The following COL6A3 variants were observed in gnomAD, a reference collection of about 807,000 sequenced individuals.
COL6A3 encodes the protein collagen alpha-3(VI) chain.
A neutral mutation model predicts 274.1 loss-of-function variants in COL6A3; 137 were observed. The ratio of observed to expected loss-of-function variants is 0.50; its 90% CI spans 0.44 to 0.58. The LOEUF (loss-of-function observed/expected upper bound fraction) is 0.58, where lower values mean the gene tolerates loss of function less well. Among genes scored for constraint, COL6A3 ranks in the 20% least tolerant of loss-of-function variants. The pLI, the probability that COL6A3 is intolerant of heterozygous loss-of-function variation, is 0.00. For synonymous variants in COL6A3, 1,650 were observed against 1,650.6 expected, an observed-to-expected ratio of 1.00 and a Z score of 0.01; for missense variants, 3,950 against 4,124.9, an observed-to-expected ratio of 0.96 and a Z score of 1.16.
At chr2:237,345,328 A>T (rs1215667568) in intron 32 of COL6A3, 115 bp from the exon 33 acceptor site, 9 of 935,230 alleles carry the variant, frequency 9.6e-6, no homozygotes, top group Non-Finnish European at 1.2e-5. Context: ...GATAACCTTG[A>T]TTGTTTACAG....
chr2:237,352,075 G>T (rs2077218743), intron 26 of COL6A3, among the ~76,000 whole-genome samples: 1 of 152,216 alleles, frequency 6.6e-6, no homozygotes, highest in African/African-American at 2.4e-5. Context: ...GATAACATCT[G>T]CAGTCACAGC....
At chr2:237,391,279 G>C (rs1396967763) in intron 3 of COL6A3, among the ~76,000 whole-genome samples, 1 of 152,238 alleles carries the variant, frequency 6.6e-6, no homozygotes, top group Non-Finnish European at 1.5e-5. Context: ...GGTGCTGCTA[G>C]TGGCTTGGAC....
chr2:237,372,553 A>G (rs1182790552), intron 8 of COL6A3, among the ~76,000 whole-genome samples: 1 of 152,222 alleles, frequency 6.6e-6, no homozygotes, highest in Admixed American at 6.5e-5. Context: ...AGGCAGAATC[A>G]GAAGAGCCTC....
At position 237,377,005 on chromosome 2, in the gene COL6A3, A is replaced by T; in HGVS notation, c.2837T>A (p.Leu946Gln). 2 of 1,614,224 alleles carry T rather than the reference A, an allele frequency of 1.2e-6. No homozygotes were observed. The highest frequency in any genetic ancestry group is 1.7e-6 in the Non-Finnish European group (2 of 1,180,038). Residue 946 changes from leucine (L) to glutamine (Q), a missense_variant, in exon 7 of 44, where the codon CTG becomes CAG. By Grantham distance (113) the Leu-to-Gln change is moderately radical. This residue lies in a region of COL6A3 where 1,934 missense variants were observed against 1,984.3 expected (regional missense o/e 0.97). Transcript: ENST00000295550. Reference protein sequence around the residue: ...IEDGVLQFLVLLVAGRSSDRV... With the variant: ...IEDGVLQFLVQLVAGRSSDRV... ...GTCAGATGACCTTCCTGCGACCAGC[A>T]GCACCAGGAACTGAAGCACTCCATC...
Position 237,352,733 on chromosome 2 carries a change from T to C in COL6A3, c.6691-149A>G, listed in dbSNP as rs967742510. On this transcript the variant is annotated intron_variant, in intron 25 of 43. Transcript: ENST00000295550. ...AAACCCACAATTATCCTGTCTTAGC[T>C]GCAGTAGCAGCTGCCTCAATCCAGA... 1.4e-5 allele frequency: 10 copies of C among 737,124 alleles called. No individual in the cohort carries two copies. In the Admixed American group the frequency reaches 1.6e-4, roughly 12 times the overall value. The allele number at this position is 737,124 out of a possible 1,614,324, so 45.7% of individuals were successfully genotyped here.
intron 6 of COL6A3, among the ~76,000 whole-genome samples, chr2:237,378,395 G>C (rs1395825279): frequency 2.0e-5 from 3 of 152,210 alleles, no homozygotes; most frequent in East Asian, 1.9e-4. Context: ...TCTGAATAAA[G>C]GGTGAGGCAA....
rs2078378399 is a variant in COL6A3 at position 237,394,570 on chromosome 2, G to C, written c.709+17C>G. 1 of 1,613,508 alleles carries C rather than the reference G, an allele frequency of 6.2e-7. No homozygotes were observed. Among genetic ancestry groups the C allele is most frequent in the Admixed American group, 1.7e-5 (1 of 60,006 alleles). On this transcript the variant is annotated intron_variant, in intron 3 of 43. Coordinates refer to ENST00000295550, the MANE Select transcript of COL6A3 (RefSeq NM_004369.4). ...AGAACAGCAGGGCAGGGCGTAGCTT[G>C]GTGGCGTTGCCATTACCTGTGATGT...
intron 9 of COL6A3, among the ~76,000 whole-genome samples, chr2:237,370,781 C>T (rs966838786): frequency 2.0e-5 from 3 of 152,280 alleles, no homozygotes; most frequent in Non-Finnish European, 4.4e-5. Context: ...AATCAGCCCC[C>T]GCATTGGGGA....
At chr2:237,356,899 G>T (rs1188502877) in intron 23 of COL6A3, 1 of 227,168 alleles carries the variant, frequency 4.4e-6, no homozygotes, top group East Asian at 1.1e-4. Context: ...GCCAGAAAAA[G>T]AAGAAATCTA....
chr2:237,400,249 G>C (rs1349210538), intron 1 of COL6A3, among the ~76,000 whole-genome samples: 3 of 152,148 alleles, frequency 2.0e-5, no homozygotes, highest in African/African-American at 4.8e-5. Context: ...ACATCTTTCT[G>C]GGTATCAAGT....
chr2:237,359,002 T>C (rs1402390938), intron 20 of COL6A3, 33 bp downstream of exon 20: 2 of 1,602,148 alleles, frequency 1.2e-6, no homozygotes, highest in East Asian at 2.2e-5. Context: ...TGATATTCTT[T>C]CCATAATAGC....
chr2:237,371,916 G>T lies in COL6A3; in HGVS notation c.4101C>A (p.Phe1367Leu). 1 of 1,613,994 alleles carries T rather than the reference G, an allele frequency of 6.2e-7. No homozygotes were observed. The highest frequency in any genetic ancestry group is 8.5e-7 in the Non-Finnish European group (1 of 1,180,034). The change falls in exon 9 of 44, where the codon TTC (phenylalanine) becomes TTA (leucine). Residue 1367 changes from phenylalanine to leucine, a missense_variant. By Grantham distance (22) the Phe-to-Leu change is conservative. Coordinates refer to ENST00000295550, the MANE Select transcript of COL6A3 (RefSeq NM_004369.4). The surrounding 1 kb of genome is among the most constrained non-coding windows in gnomAD (Gnocchi z 4.3). ...CCTGGTCTGCGTTCCTGGCGATCGT[G>T]AAAGGGGCCACGCCAAACTGCTTGA... ...VELKQFGVAP[F>L]TIARNADQEE...
At chr2:237,400,074 T>C (rs1368852544) in intron 1 of COL6A3, among the ~76,000 whole-genome samples, 1 of 152,250 alleles carries the variant, frequency 6.6e-6, no homozygotes, top group Non-Finnish European at 1.5e-5. Context: ...AGACTACAGT[T>C]AAATTAGAAA....
intron 42 of COL6A3, 140 bp downstream of exon 42, chr2:237,333,310 G>A: frequency 1.3e-6 from 1 of 745,436 alleles, no homozygotes; most frequent in Non-Finnish European, 2.4e-6. Flanking sequence ...AGATGATGTT[G>A]GGCTGCACAG....
intron 23 of COL6A3, chr2:237,357,073 C>T (rs1199932165): frequency 1.8e-5 from 10 of 567,478 alleles, no homozygotes; most frequent in African/African-American, 7.5e-5. Context: ...AAACCTGGCC[C>T]GATATTTGAA....
rs112826386 is a variant in COL6A3 at position 237,345,296 on chromosome 2, G to C, written c.7093-83C>G. The C allele has an allele frequency of 2.1e-3, 2,975 of 1,400,150 alleles. 5 individuals carry two copies. The highest frequency in any genetic ancestry group is 2.7e-3 in the Non-Finnish European group (2,654 of 986,654). 86.7% of individuals were successfully genotyped at this position (1,400,150 alleles called of 1,614,324 possible). The stretch of plus-strand genomic sequence containing the variant: ...AGGCTTTGGCCCCCAGAAATACACA[G>C]AGCAAGACAAAGGGGCCCCTGGATA... On this transcript the variant is annotated intron_variant, in intron 32 of 43. Transcript: ENST00000295550.
chr2:237,347,571 C>T (rs960356071), intron 31 of COL6A3, among the ~76,000 whole-genome samples: 32 of 152,032 alleles, frequency 2.1e-4, no homozygotes, highest in African/African-American at 7.2e-4. Flanking sequence ...GCTGGGCTGG[C>T]GACCCTGGAG....
chr2:237,384,019 C>T (rs2078079233), intron 4 of COL6A3, among the ~76,000 whole-genome samples: 1 of 152,120 alleles, frequency 6.6e-6, no homozygotes, highest in Non-Finnish European at 1.5e-5. Context: ...CATGGGAGCT[C>T]ATGACAGATG....
chr2:237,379,307 A>T, intron 5 of COL6A3, 72 bp from the exon 6 acceptor site: 1 of 1,546,914 alleles, frequency 6.5e-7, no homozygotes, highest in Non-Finnish European at 8.9e-7. Context: ...TGCCTACAAC[A>T]CGTGCACACA....
Sources: gnomAD v4.1 joint callset for allele counts (sites outside exome capture counted in the v4.1 genomes callset) on GRCh38, gnomAD v4.1.1 for gene constraint, gnomAD v4.1.1 regional missense constraint, Gnocchi (gnomAD v3.1) non-coding constraint, MANE v1.5 for transcripts, NCBI Gene and HGNC (gene_info 2026-07-23, HGNC 2026-07-21) for gene names.